CNTN6: variants seen among roughly 807,000 people sequenced by gnomAD.
CNTN6 encodes the protein contactin 6, also known as contactin-6.
CNTN6 carries 137 observed loss-of-function variants against 122.8 expected under a neutral mutation model. The observed-to-expected ratio is 1.12, with a 90% CI of 0.97 to 1.29. The LOEUF (loss-of-function observed/expected upper bound fraction) is 1.29. Among genes scored for constraint, CNTN6 ranks in the 50% most tolerant of loss-of-function variants. CNTN6 has a pLI of 0.00. For missense variants in CNTN6, 1,634 were observed against 1,223.4 expected (o/e 1.34, Z -5.01); for synonymous variants, 570 against 426.0 (o/e 1.34, Z -4.16).
At chr3:1,283,280 T>C (rs1693788056) in intron 5 of CNTN6, among the ~76,000 whole-genome samples, 1 of 152,158 alleles carries the variant, frequency 6.6e-6, no homozygotes, top group African/African-American at 2.4e-5. Flanking sequence ...GTATTTATTT[T>C]ATTTATTTTT....
At chr3:1,342,959 C>T (rs1224065805) in intron 11 of CNTN6, among the ~76,000 whole-genome samples, 1 of 152,102 alleles carries the variant, frequency 6.6e-6, no homozygotes, top group Non-Finnish European at 1.5e-5. Flanking sequence ...CCTGCCTCTC[C>T]TTTCACCTCC....
intron 2 of CNTN6, among the ~76,000 whole-genome samples, chr3:1,182,802 G>T (rs1386206269): frequency 6.6e-6 from 1 of 151,928 alleles, no homozygotes. Context: ...ATGCATCTAT[G>T]AATATTTTTT....
chr3:1,303,983 C>T (rs1328118670), intron 7 of CNTN6, among the ~76,000 whole-genome samples: 1 of 152,112 alleles, frequency 6.6e-6, no homozygotes, highest in Non-Finnish European at 1.5e-5. Flanking sequence ...GAAAATTATT[C>T]TTTGCCCAGC....
intron 1 of CNTN6, among the ~76,000 whole-genome samples, chr3:1,105,499 A>T (rs1244515436): frequency 6.6e-6 from 1 of 152,178 alleles, no homozygotes; most frequent in Non-Finnish European, 1.5e-5. Context: ...AAAATGTTTT[A>T]TAAATTATTT....
At chr3:1,330,573 A>G (rs3772296) in intron 11 of CNTN6, among the ~76,000 whole-genome samples, 4 of 152,038 alleles carry the variant, frequency 2.6e-5, no homozygotes, top group East Asian at 3.9e-4. Context: ...TGAGGTGACT[A>G]GACCACAGAT....
chr3:1,267,294 A>G (rs1224845663), intron 4 of CNTN6, among the ~76,000 whole-genome samples: 6 of 152,078 alleles, frequency 3.9e-5, no homozygotes, highest in Admixed American at 3.9e-4. Context: ...AATAGCTGAA[A>G]ATGAATCAGA....
chr3:1,097,730 T>C (rs1172466121), intron 1 of CNTN6, among the ~76,000 whole-genome samples: 1 of 152,176 alleles, frequency 6.6e-6, no homozygotes, highest in African/African-American at 2.4e-5. Context: ...CAGGTAAATA[T>C]GTAAAAAATC....
intron 2 of CNTN6, among the ~76,000 whole-genome samples, chr3:1,174,844 A>G (rs1226217892): frequency 6.6e-6 from 1 of 152,226 alleles, no homozygotes; most frequent in Non-Finnish European, 1.5e-5. Flanking sequence ...TAAAAAGTTT[A>G]TAGTCCGGAA....
intron 2 of CNTN6, among the ~76,000 whole-genome samples, chr3:1,209,523 C>T (rs1474979229): frequency 6.6e-6 from 1 of 152,150 alleles, no homozygotes; most frequent in Non-Finnish European, 1.5e-5. Context: ...TGGCTTGAAT[C>T]TAACTGATGC....
chr3:1,173,567 C>T (rs1281547329), intron 2 of CNTN6, among the ~76,000 whole-genome samples: 1 of 152,156 alleles, frequency 6.6e-6, no homozygotes, highest in Non-Finnish European at 1.5e-5. Flanking sequence ...AATCCCAATG[C>T]CCAAGGATGT....
At chr3:1,352,271 A>T in intron 11 of CNTN6, 53 bp from the exon 12 acceptor site, 2 of 1,407,554 alleles carry the variant, frequency 1.4e-6, no homozygotes, top group Non-Finnish European at 1.9e-6. Context: ...AGCACTTATG[A>T]TTTACCAGTG....
intron 5 of CNTN6, among the ~76,000 whole-genome samples, chr3:1,287,054 C>T (rs1163715713): frequency 2.0e-5 from 3 of 152,078 alleles, no homozygotes; most frequent in Admixed American, 1.3e-4. Flanking sequence ...AATACAGGAG[C>T]ACCCAGATTC....
At chr3:1,247,401 G>C (rs1034236604) in intron 4 of CNTN6, among the ~76,000 whole-genome samples, 7 of 151,614 alleles carry the variant, frequency 4.6e-5, no homozygotes. Flanking sequence ...AATTACTGCA[G>C]TCTTACAATA....
At chr3:1,237,053 C>A (rs1190046723) in intron 4 of CNTN6, among the ~76,000 whole-genome samples, 2 of 151,700 alleles carry the variant, frequency 1.3e-5, no homozygotes, top group African/African-American at 4.8e-5. Flanking sequence ...TGCACTCCAG[C>A]CTGGGCAACA....
chr3:1,130,732 A>C (rs1468638240), intron 1 of CNTN6, among the ~76,000 whole-genome samples: 2 of 152,132 alleles, frequency 1.3e-5, no homozygotes, highest in Non-Finnish European at 2.9e-5. Context: ...TGAAGACAAC[A>C]ATGTTTGATC....
At chr3:1,382,744 C>G (rs1471119674) in intron 17 of CNTN6, among the ~76,000 whole-genome samples, 198 bp from the exon 18 acceptor site, 1 of 152,032 alleles carries the variant, frequency 6.6e-6, no homozygotes, top group Non-Finnish European at 1.5e-5. Flanking sequence ...AAAACTTAAA[C>G]TATTTATCTG....
intron 11 of CNTN6, among the ~76,000 whole-genome samples, chr3:1,340,619 GAGTTAA>G (rs1242732983): frequency 3.9e-5 from 6 of 152,238 alleles, no homozygotes; most frequent in Non-Finnish European, 8.8e-5. Flanking sequence ...TAAGAAGAAA[GAGTTAA>G]AGTTAGCAGA....
intron 2 of CNTN6, among the ~76,000 whole-genome samples, chr3:1,154,549 T>C (rs1445766456): frequency 1.3e-5 from 2 of 151,748 alleles, no homozygotes; most frequent in East Asian, 3.9e-4. Context: ...GTTCAAGCAA[T>C]TCTCCTGCCT....
At chr3:1,257,781 G>T (rs541608672) in intron 4 of CNTN6, among the ~76,000 whole-genome samples, 2 of 152,236 alleles carry the variant, frequency 1.3e-5, no homozygotes, top group East Asian at 3.9e-4. Flanking sequence ...ACACCGAAGG[G>T]TCATATTTCT....
Sources: allele counts gnomAD v4.1 joint callset (sites outside exome capture counted in the v4.1 genomes callset), GRCh38; gene constraint gnomAD v4.1.1; transcripts MANE v1.5; gene names NCBI Gene and HGNC (gene_info 2026-07-23, HGNC 2026-07-21).